The following PTPRN2 variants were observed in gnomAD, a reference collection of about 807,000 sequenced individuals.
The protein encoded by PTPRN2 is protein tyrosine phosphatase receptor type N2.
PTPRN2 carries 74 observed loss-of-function variants against 118.8 expected under a neutral mutation model. The observed-to-expected ratio is 0.62, with a 90% CI of 0.52 to 0.76. PTPRN2 has a LOEUF of 0.76. Ranked by LOEUF, PTPRN2 falls within the 30% of genes least tolerant of loss-of-function variation. The pLI is 0.00. For synonymous variants in PTPRN2, 641 were observed against 608.0 expected (o/e 1.05, Z -0.80); for missense variants, 1,481 against 1,394.4 (o/e 1.06, Z -0.99).
intron 13 of PTPRN2, among the ~76,000 whole-genome samples, chr7:157,668,077 G>A (rs1056421907): frequency 1.3e-5 from 2 of 152,252 alleles, no homozygotes; most frequent in African/African-American, 2.4e-5. Flanking sequence ...CGGCACATTC[G>A]GACACCACAG....
intron 2 of PTPRN2, among the ~76,000 whole-genome samples, chr7:158,479,966 C>T (rs1173835003): frequency 1.3e-5 from 2 of 152,224 alleles, no homozygotes; most frequent in Non-Finnish European, 2.9e-5. Flanking sequence ...GCCACTGGTT[C>T]TCTACTTGGC....
chr7:158,174,762 T>C (rs536064249), intron 5 of PTPRN2, among the ~76,000 whole-genome samples: 7 of 152,328 alleles, frequency 4.6e-5, no homozygotes, highest in Non-Finnish European at 1.0e-4. Flanking sequence ...AATGTGATTC[T>C]CTTCAGCTGG....
At chr7:158,515,054 C>T (rs1220962740) in intron 1 of PTPRN2, among the ~76,000 whole-genome samples, 8 of 152,160 alleles carry the variant, frequency 5.3e-5, no homozygotes, top group African/African-American at 1.9e-4. Context: ...ATGACAAAGA[C>T]GATGATCCGA....
chr7:157,664,496 G>A (rs10244672), intron 13 of PTPRN2, among the ~76,000 whole-genome samples: 58,439 of 152,148 alleles, frequency 0.38, 12,282 homozygotes, highest in Non-Finnish European at 0.49. Flanking sequence ...GTCGGGCGTG[G>A]TGGCTCACGC....
intron 11 of PTPRN2, among the ~76,000 whole-genome samples, chr7:158,062,602 C>T (rs1017722244): frequency 4.9e-4 from 75 of 152,144 alleles, no homozygotes; most frequent in African/African-American, 1.8e-3. Flanking sequence ...TGGGGCTGTG[C>T]GTGGTGCTCA....
intron 3 of PTPRN2, among the ~76,000 whole-genome samples, chr7:158,312,517 C>T (rs992537597): frequency 3.0e-4 from 40 of 132,562 alleles, no homozygotes; most frequent in Admixed American, 1.8e-3. Flanking sequence ...CCCACACACA[C>T]GCACAGACAC....
intron 11 of PTPRN2, among the ~76,000 whole-genome samples, chr7:158,073,405 G>A (rs1370779333): frequency 6.6e-6 from 1 of 152,158 alleles, no homozygotes; most frequent in Admixed American, 6.5e-5. Flanking sequence ...GTTGGCTTCA[G>A]GGCCGCACTG....
chr7:158,026,762 C>T (rs73169800), intron 11 of PTPRN2, among the ~76,000 whole-genome samples: 7,339 of 152,178 alleles, frequency 0.048, 238 homozygotes, highest in Admixed American at 0.087. Flanking sequence ...TACAGGACAC[C>T]GGGAGGAAGG....
chr7:158,128,439 A>G (rs111249005), intron 9 of PTPRN2, among the ~76,000 whole-genome samples: 2,991 of 152,272 alleles, frequency 0.02, 79 homozygotes, highest in African/African-American at 0.059. Flanking sequence ...CCCACTGCTC[A>G]TAGGAGGTAA....
chr7:157,860,604 C>T (rs1317074752), intron 12 of PTPRN2, among the ~76,000 whole-genome samples: 1 of 152,238 alleles, frequency 6.6e-6, no homozygotes, highest in Non-Finnish European at 1.5e-5. Context: ...AACTAGATAC[C>T]ACTCCATGCA....
intron 1 of PTPRN2, among the ~76,000 whole-genome samples, chr7:158,510,757 C>T (rs79014256): frequency 0.017 from 2,525 of 152,154 alleles, 71 homozygotes; most frequent in African/African-American, 0.058. Flanking sequence ...ATGAGTAGGT[C>T]GGATGTGAAT....
At chr7:158,050,216 C>CACTCTTTTAAAAAGAGTGAA (rs1190364447) in intron 11 of PTPRN2, among the ~76,000 whole-genome samples, 2 of 152,198 alleles carry the variant, frequency 1.3e-5, no homozygotes, top group Non-Finnish European at 2.9e-5. Flanking sequence ...TGAAAATATT[C>CACTCTTTTAAAAAGAGTGAA]AGGGAATGCA....
At chr7:158,372,589 ACTGGTCCCTAGAG>A (rs1810151386) in intron 2 of PTPRN2, among the ~76,000 whole-genome samples, 6 of 91,378 alleles carry the variant, frequency 6.6e-5, no homozygotes, top group Non-Finnish European at 1.1e-4. Context: ...TCCCCCCAAC[ACTGGTCCCTAGAG>A]CTGGTCCCCA....
rs139477531 is a variant in PTPRN2, at chr7:158,297,416, G to A, written c.277+19403C>T. Among the ~76,000 whole-genome samples the A allele has an allele frequency of 1.7e-3, 262 of 152,284 alleles. 1 individual carries two copies. Among genetic ancestry groups the A allele is most frequent in the African/African-American group, 5.8e-3 (242 of 41,548 alleles). On this transcript the variant is annotated intron_variant, in intron 3 of 22. Transcript: ENST00000389418. ...CCACAGTGATGACACTGCAAAGTCC[G>A]TTCATTTGTGATACGGTATCTCCTT...
At chr7:158,104,373 A>C (rs1428823517) in intron 10 of PTPRN2, among the ~76,000 whole-genome samples, 1 of 152,230 alleles carries the variant, frequency 6.6e-6, no homozygotes, top group African/African-American at 2.4e-5. Context: ...ACTTAAGAGC[A>C]AAGATACCGC....
chr7:158,105,849 T>C (rs555845082), intron 10 of PTPRN2, among the ~76,000 whole-genome samples: 10 of 152,062 alleles, frequency 6.6e-5, no homozygotes, highest in South Asian at 4.2e-4. Context: ...TCCAGCTCCA[T>C]TGCAGCTCCA....
chr7:158,200,681 AAAGAGT>A (rs2150732445), intron 4 of PTPRN2, among the ~76,000 whole-genome samples: 1 of 152,358 alleles, frequency 6.6e-6, no homozygotes, highest in South Asian at 2.1e-4. Flanking sequence ...CAAAATTACC[AAAGAGT>A]AAAAGTTGAA....
At chr7:158,331,692 T>C (rs1265110857) in intron 2 of PTPRN2, among the ~76,000 whole-genome samples, 16 of 107,948 alleles carry the variant, frequency 1.5e-4, no homozygotes, top group Admixed American at 2.6e-4. Context: ...GAGGTGACAC[T>C]TGCAGACGTC....
chr7:157,831,631 GA>G lies in PTPRN2; in HGVS notation c.1788+67041del, dbSNP rs1807576400. Among the ~76,000 whole-genome samples the G allele has an allele frequency of 6.6e-6, 1 of 151,992 alleles. No individual in the cohort carries two copies. Among genetic ancestry groups the G allele is most frequent in the Admixed American group, 6.5e-5 (1 of 15,278 alleles). ...CATCTCCACCTGTCAGAACGAGCAG[GA>G]AGACATCCAACCCTTATTGGGAGTC... On this transcript the variant is annotated intron_variant, in intron 12 of 22. Transcript: ENST00000389418. This position sits in a 1 kb window ranked among gnomAD's most constrained non-coding sequence, Gnocchi z 4.8.
Sources: allele counts gnomAD v4.1 joint callset (sites outside exome capture counted in the v4.1 genomes callset), GRCh38; gene constraint gnomAD v4.1.1; non-coding constraint Gnocchi (gnomAD v3.1); transcripts MANE v1.5; gene names NCBI Gene and HGNC (gene_info 2026-07-23, HGNC 2026-07-21).